SYN1: variants seen among roughly 807,000 people sequenced by gnomAD.
SYN1 encodes synapsin I.
SYN1 carries 8 observed loss-of-function variants against 44.6 expected under a neutral mutation model. That is an observed-to-expected ratio of 0.18 (90% confidence interval 0.11 to 0.32). The LOEUF (loss-of-function observed/expected upper bound fraction) is 0.32. SYN1 is among the 10% of genes least tolerant of loss of function. The probability of loss-of-function intolerance (pLI) is 1.00; values close to 1 mark genes in which losing one functional copy is unlikely to be tolerated. For missense variants in SYN1, 451 were observed against 639.4 expected (o/e 0.71, Z 3.18); for synonymous variants, 275 against 280.1 (o/e 0.98, Z 0.18).
intron 5 of SYN1, among the ~76,000 whole-genome samples, chrX:47,587,130 T>TC (rs1427038244): frequency 1.8e-5 from 2 of 113,025 alleles, no homozygotes; most frequent in Non-Finnish European, 3.7e-5. Context: ...TACTGGAAAT[T>TC]CCCCATTCAC....
intron 5 of SYN1, chrX:47,586,617 T>C: frequency 8.3e-7 from 1 of 1,211,928 alleles, no homozygotes; most frequent in Non-Finnish European, 1.1e-6. Flanking sequence ...GGGCTTCCAG[T>C]CCCGTCACCT....
rs1183977407 is a variant in SYN1 at position 47,573,896 on chromosome X, TG to T, written c.1982+105del. The T allele has an allele frequency of 1.4e-5, 11 of 765,403 alleles. No individual in the cohort carries two copies. In the South Asian group the frequency reaches 4.3e-4, roughly 30 times the overall value. The allele number at this position is 765,403 out of a possible 1,213,427, so 63.1% of individuals were successfully genotyped here. ...GGCTGGAGAGAGTTCGTGGGACCCC[TG>T]CATAGGACCTGGGTCTGAGGAGCAA... On this transcript the variant is annotated intron_variant, in intron 12 of 12. Coordinates refer to ENST00000295987, the MANE Select transcript of SYN1 (RefSeq NM_006950.3).
intron 5 of SYN1, among the ~76,000 whole-genome samples, chrX:47,577,963 T>C (rs758109473): frequency 9.1e-6 from 1 of 110,128 alleles, no homozygotes; most frequent in African/African-American, 3.3e-5. Context: ...ACATAAACTA[T>C]TGAGAGGCAT....
intron 5 of SYN1, among the ~76,000 whole-genome samples, chrX:47,600,250 G>T (rs904890056): frequency 1.4e-4 from 15 of 109,643 alleles, no homozygotes; most frequent in African/African-American, 4.0e-4. Context: ...GGAGTGCAGT[G>T]GTGCAATCTC....
At chrX:47,574,813 G>C (rs761419665) in intron 10 of SYN1, 38 bp from the exon 11 acceptor site, 2 of 1,110,766 alleles carry the variant, frequency 1.8e-6, no homozygotes, top group South Asian at 3.9e-5. Context: ...GTTAAAAATA[G>C]TTACCAGCCA....
At chrX:47,590,555 A>G (rs1374412296) in intron 5 of SYN1, among the ~76,000 whole-genome samples, 1 of 112,389 alleles carries the variant, frequency 8.9e-6, no homozygotes, top group Non-Finnish European at 1.9e-5. Context: ...GTCATGCTAC[A>G]CTGGTCCTTG....
intron 1 of SYN1, among the ~76,000 whole-genome samples, chrX:47,616,551 T>C (rs760464367): frequency 5.4e-5 from 6 of 111,548 alleles, no homozygotes; most frequent in Non-Finnish European, 9.4e-5. Context: ...AGCAGAGGCC[T>C]CATTGATGTT....
chrX:47,583,315 A>G, intron 5 of SYN1: 1 of 797,342 alleles, frequency 1.3e-6, no homozygotes, highest in East Asian at 3.4e-5. Context: ...AATCCCCCCC[A>G]TAGGCTGCCC....
chrX:47,613,484 C>T (rs1007587998), intron 1 of SYN1, among the ~76,000 whole-genome samples: 1 of 111,574 alleles, frequency 9.0e-6, no homozygotes, highest in East Asian at 2.8e-4. Context: ...TTAGATTGGG[C>T]CCCTTCCATC....
Position 47,576,629 on chromosome X carries a change from G to A in SYN1, c.849C>T (p.Asp283=). 2 of 1,211,985 alleles carry A rather than the reference G, an allele frequency of 1.7e-6. No individual in the cohort carries two copies. Among genetic ancestry groups the A allele is most frequent in the Non-Finnish European group, 2.2e-6 (2 of 895,635 alleles). The change falls in exon 7 of 13, where the codon GAC becomes GAT. Residue 283 remains aspartate, a synonymous_variant. Coordinates refer to ENST00000295987, the MANE Select transcript of SYN1 (RefSeq NM_006950.3). ...AHSGMGKVKV[D]NQHDFQDIAS... is the part of the protein sequence containing the mutation. ...CGATGTCCTGGAAGTCATGCTGGTT[G>A]TCAACCTTGACCTGTGGAAGTGCGG...
At chrX:47,604,190 T>C (rs1311360154) in intron 5 of SYN1, among the ~76,000 whole-genome samples, 2 of 111,397 alleles carry the variant, frequency 1.8e-5, no homozygotes, top group Non-Finnish European at 3.8e-5. Context: ...ATTACAGGCA[T>C]GAGCCACCGC....
In SYN1 at chrX:47,590,759, G is replaced by A. The variant is rs138883511; in HGVS notation, c.775-13258C>T. The stretch of plus-strand genomic sequence containing the variant: ...CAGCCACAGGCGTCCCCTTTGTGTT[G>A]TGGCTCACCCCTGTTCTTCCTGCCT... On this transcript the variant is annotated intron_variant, in intron 5 of 12. Transcript: ENST00000295987. 2.9e-3 allele frequency among the ~76,000 whole-genome samples: 328 copies of A among 111,967 alleles called. 3 individuals are homozygous for A. Among genetic ancestry groups the A allele is most frequent in the African/African-American group, 8.8e-3 (271 of 30,841 alleles).
intron 6 of SYN1, among the ~76,000 whole-genome samples, chrX:47,577,123 CAT>C (rs1283381838): frequency 9.0e-6 from 1 of 110,843 alleles, no homozygotes; most frequent in Non-Finnish European, 1.9e-5. Flanking sequence ...CACACCACAT[CAT>C]GTGTGTTCGG....
chrX:47,573,933 G>A (rs1193906838), intron 12 of SYN1, 69 bp downstream of exon 12: 1 of 999,772 alleles, frequency 1.0e-6, no homozygotes, highest in Non-Finnish European at 1.3e-6. Context: ...GGGAGCTAGG[G>A]CTGCTCTACT....
chrX:47,605,468 G>C (rs1431261534), intron 3 of SYN1, 89 bp from the exon 4 acceptor site: 1 of 1,092,748 alleles, frequency 9.2e-7, no homozygotes, highest in Non-Finnish European at 1.2e-6. Context: ...AATCTCCATA[G>C]CTCCCAGAAA....
In SYN1 at chrX:47,607,205, A is replaced by C. The variant is rs1569330998; in HGVS notation, c.378-7T>G. On this transcript the variant is annotated splice_polypyrimidine_tract_variant and splice_region_variant and intron_variant, in intron 1 of 12. Transcript: ENST00000295987. ...CCCTTTGAAGTATTTTGCCCTGGAG[A>C]GGAAAAACAACACATCTGTCAATGA... 8.3e-7 allele frequency: 1 copy of C among 1,208,268 alleles called. No individual in the cohort carries two copies. The highest frequency in any genetic ancestry group is 1.1e-6 in the Non-Finnish European group (1 of 892,427).
intron 5 of SYN1, chrX:47,582,713 A>G (rs2057803916): frequency 5.3e-6 from 1 of 188,281 alleles, no homozygotes; most frequent in African/African-American, 5.5e-5. Flanking sequence ...CAAACCCATG[A>G]CCCCCTAATA....
At chrX:47,600,789 G>T (rs145310719) in intron 5 of SYN1, among the ~76,000 whole-genome samples, 1 of 111,666 alleles carries the variant, frequency 9.0e-6, no homozygotes, top group African/African-American at 3.3e-5. Flanking sequence ...TAACCAATAG[G>T]TCAAAGAAGA....
intron 1 of SYN1, among the ~76,000 whole-genome samples, chrX:47,616,014 T>C (rs1425705546): frequency 9.0e-6 from 1 of 111,182 alleles, no homozygotes; most frequent in East Asian, 2.8e-4. Context: ...GGAATGAGGG[T>C]GGTGAGGTTT....
Sources: allele counts gnomAD v4.1 joint callset (sites outside exome capture counted in the v4.1 genomes callset), GRCh38; gene constraint gnomAD v4.1.1; transcripts MANE v1.5; gene names NCBI Gene and HGNC (gene_info 2026-07-23, HGNC 2026-07-21).